Variants in PCDHGB4 observed in about 807,000 individuals in gnomAD.
The protein encoded by PCDHGB4 is protocadherin gamma-B4.
A neutral mutation model predicts 60.5 loss-of-function variants in PCDHGB4; 38 were observed. That is an observed-to-expected ratio of 0.63 (90% CI 0.48 to 0.82). The LOEUF is 0.82. Ranked by LOEUF, PCDHGB4 falls within the 40% of genes least tolerant of loss-of-function variation. PCDHGB4 has a pLI of 0.00. For missense variants in PCDHGB4, 1,109 were observed against 1,209.6 expected (o/e 0.92, Z 1.23); for synonymous variants, 456 against 509.7 (o/e 0.89, Z 1.42).
At chr5:141,442,403 G>A (rs1042068651) in intron 1 of PCDHGB4, 2 of 152,168 alleles carry the variant, frequency 1.3e-5, no homozygotes, top group African/African-American at 4.8e-5. Context: ...TACGAATCCA[G>A]GGCTGAGTGA....
chr5:141,446,469 T>C (rs538381725), intron 1 of PCDHGB4, among the ~76,000 whole-genome samples: 2 of 149,740 alleles, frequency 1.3e-5, no homozygotes, highest in South Asian at 4.2e-4. Flanking sequence ...TGATTAGACA[T>C]ATGGTCATCA....
At chr5:141,413,271 C>T in intron 1 of PCDHGB4, 1 of 1,613,940 alleles carries the variant, frequency 6.2e-7, no homozygotes, top group Non-Finnish European at 8.5e-7. Flanking sequence ...AGGCTGGAGC[C>T]CGGCAGATCT....
intron 2 of PCDHGB4, among the ~76,000 whole-genome samples, chr5:141,498,795 T>C (rs2099785702): frequency 6.6e-6 from 1 of 152,032 alleles, no homozygotes; most frequent in Admixed American, 6.6e-5. Context: ...TAGCCAGGTG[T>C]GGTGGTGCAC....
At chr5:141,421,436 G>C (rs373015809) in intron 1 of PCDHGB4, 6 of 1,613,994 alleles carry the variant, frequency 3.7e-6, no homozygotes, top group African/African-American at 2.7e-5. Context: ...ATCGTCTCCA[G>C]AGGGAAGACA....
chr5:141,415,915 TGC>T, intron 1 of PCDHGB4: 1 of 724,854 alleles, frequency 1.4e-6, no homozygotes, highest in Non-Finnish European at 1.9e-6. Flanking sequence ...CATACAGAAG[TGC>T]CTGTCAATTT....
intron 1 of PCDHGB4, chr5:141,441,872 G>T: frequency 2.9e-6 from 1 of 341,646 alleles, no homozygotes. Flanking sequence ...GCGGAGCCTG[G>T]CTACCTGGTC....
intron 1 of PCDHGB4, chr5:141,420,985 C>T (rs1371634966): frequency 4.1e-6 from 2 of 487,950 alleles, no homozygotes; most frequent in African/African-American, 4.0e-5. Flanking sequence ...GGGCTCTAGG[C>T]GCCGCTGCTC....
At chr5:141,479,671 G>A (rs1484965995) in intron 1 of PCDHGB4, 1 of 152,196 alleles carries the variant, frequency 6.6e-6, no homozygotes, top group Non-Finnish European at 1.5e-5. Flanking sequence ...AACTACAAAA[G>A]GAGAGTCTTT....
intron 1 of PCDHGB4, among the ~76,000 whole-genome samples, chr5:141,401,123 C>A (rs1289456548): frequency 1.3e-5 from 2 of 152,156 alleles, no homozygotes; most frequent in Non-Finnish European, 2.9e-5. Flanking sequence ...GCGGTTGGAT[C>A]ACATGGTCAG....
chr5:141,422,790 C>G, intron 1 of PCDHGB4: 1 of 1,614,060 alleles, frequency 6.2e-7, no homozygotes, highest in South Asian at 1.1e-5. Context: ...TACAATCCTT[C>G]GACTATGAGC....
chr5:141,455,876 TTTA>T (rs1271603055), intron 1 of PCDHGB4, among the ~76,000 whole-genome samples: 2 of 146,624 alleles, frequency 1.4e-5, no homozygotes, highest in Non-Finnish European at 1.5e-5. Context: ...TATTTATTTA[TTTA>T]TTTATTTATT....
At chr5:141,500,252 A>G (rs2099798400) in intron 2 of PCDHGB4, among the ~76,000 whole-genome samples, 1 of 151,094 alleles carries the variant, frequency 6.6e-6, no homozygotes, top group East Asian at 1.9e-4. Flanking sequence ...TCTGTCACCC[A>G]GGCTGGACTG....
chr5:141,389,343 T>TACTG lies in PCDHGB4; in HGVS notation c.1460_1463dup (p.Cys488Ter). ...CTTGGGGCCCAACGGCCAAGTCTCT[T>TACTG]ACTGCATCATGGCCAGTGACCTGGA... is the stretch of plus-strand genomic sequence containing the variant. On this transcript the variant is annotated stop_gained and frameshift_variant, in exon 1 of 4. Transcript: ENST00000519479. LOFTEE classifies it high-confidence loss of function. The TACTG allele has an allele frequency of 6.2e-7, 1 of 1,613,992 alleles. No homozygotes were observed. The highest frequency in any genetic ancestry group is 8.5e-7 in the Non-Finnish European group (1 of 1,179,910).
intron 1 of PCDHGB4, chr5:141,393,474 C>G (rs773609499): frequency 3.1e-6 from 5 of 1,614,044 alleles, no homozygotes; most frequent in Non-Finnish European, 4.2e-6. Flanking sequence ...CGGCAAGCCG[C>G]CTCGCTCTAG....
chr5:141,407,125 T>C (rs1367266686), intron 1 of PCDHGB4, among the ~76,000 whole-genome samples: 1 of 152,254 alleles, frequency 6.6e-6, no homozygotes, highest in Non-Finnish European at 1.5e-5. Context: ...TTCAGTTGCT[T>C]TATTTTTAAG....
At chr5:141,403,050 A>G in intron 1 of PCDHGB4, 2 of 1,614,060 alleles carry the variant, frequency 1.2e-6, no homozygotes, top group Non-Finnish European at 1.7e-6. Flanking sequence ...CAGATTCGCT[A>G]CTCAGTGCCT....
At chr5:141,406,267 G>A (rs2094786630) in intron 1 of PCDHGB4, among the ~76,000 whole-genome samples, 1 of 151,854 alleles carries the variant, frequency 6.6e-6, no homozygotes, top group African/African-American at 2.4e-5. Context: ...CGATCTTCCT[G>A]CTTCAGTTTC....
Position 141,493,760 on chromosome 5 carries a change from G to C in PCDHGB4, c.2398-1047G>C, listed in dbSNP as rs1268832909. On this transcript the variant is annotated intron_variant, in intron 1 of 3. Coordinates refer to ENST00000519479, the MANE Select transcript of PCDHGB4 (RefSeq NM_003736.4). The surrounding 1 kb of genome is among the most constrained non-coding windows in gnomAD (Gnocchi z 4.3). ...ACTGCCACCTGTGAGCCTTGAGTGA[G>C]CCACTGGCAGTTCCGGAGCTTCCTT... Among the ~76,000 whole-genome samples, 1 of 152,166 alleles carries C rather than the reference G, an allele frequency of 6.6e-6. No individual in the cohort carries two copies. The highest frequency in any genetic ancestry group is 1.5e-5 in the Non-Finnish European group (1 of 68,022).
intron 1 of PCDHGB4, chr5:141,423,559 G>T: frequency 6.2e-7 from 1 of 1,613,584 alleles, no homozygotes; most frequent in Non-Finnish European, 8.5e-7. Flanking sequence ...CAACTATGGG[G>T]ACACGCTCAT....
Sources: gnomAD v4.1 joint callset for allele counts (sites outside exome capture counted in the v4.1 genomes callset) on GRCh38, gnomAD v4.1.1 for gene constraint, Gnocchi (gnomAD v3.1) non-coding constraint, MANE v1.5 for transcripts, NCBI Gene and HGNC (gene_info 2026-07-23, HGNC 2026-07-21) for gene names.